The following SPINT2 variants were observed in gnomAD, a reference collection of about 807,000 sequenced individuals.
SPINT2 encodes the protein serine peptidase inhibitor, Kunitz type 2.
Under a neutral mutation model 30.1 loss-of-function variants are expected in SPINT2, and 18 were observed. The observed-to-expected ratio is 0.60, with a 90% CI of 0.41 to 0.89. The LOEUF (loss-of-function observed/expected upper bound fraction) is 0.89, where lower values mean the gene tolerates loss of function less well. Ranked by LOEUF, SPINT2 falls within the 40% of genes least tolerant of loss-of-function variation. The pLI, the probability that SPINT2 is intolerant of heterozygous loss-of-function variation, is 0.00. For missense variants in SPINT2, 276 were observed against 334.3 expected, an observed-to-expected ratio of 0.83 and a Z score of 1.36; for synonymous variants, 139 against 137.9, an observed-to-expected ratio of 1.01 and a Z score of -0.05.
chr19:38,266,881 T>C (rs960830540), intron 1 of SPINT2, among the ~76,000 whole-genome samples: 1 of 152,136 alleles, frequency 6.6e-6, no homozygotes, highest in Non-Finnish European at 1.5e-5. Context: ...TGCTGGACTT[T>C]TTCAGTTTAA....
chr19:38,277,408 C>T (rs530665709), intron 1 of SPINT2, among the ~76,000 whole-genome samples: 1 of 151,746 alleles, frequency 6.6e-6, no homozygotes. Context: ...CCACACCCGG[C>T]TCATTTTTTT....
At chr19:38,291,426 A>G (rs1382367252) in intron 6 of SPINT2, 2 of 173,914 alleles carry the variant, frequency 1.1e-5, no homozygotes, top group Non-Finnish European at 2.5e-5. Context: ...GTCTTTCTCT[A>G]TTGCCGGTCA....
intron 2 of SPINT2, among the ~76,000 whole-genome samples, chr19:38,287,405 G>A (rs1968655170): frequency 6.6e-6 from 1 of 151,214 alleles, no homozygotes; most frequent in African/African-American, 2.4e-5. Context: ...TCGCAGTGTC[G>A]GCCAGGATGG....
chr19:38,272,132 T>A (rs199730345), intron 1 of SPINT2, among the ~76,000 whole-genome samples: 2 of 151,938 alleles, frequency 1.3e-5, no homozygotes, highest in Admixed American at 6.6e-5. Flanking sequence ...GCCCAGGAAG[T>A]GGAGGTTGCA....
intron 1 of SPINT2, among the ~76,000 whole-genome samples, chr19:38,266,918 G>GTT (rs770011049): frequency 8.5e-5 from 13 of 152,232 alleles, no homozygotes; most frequent in Admixed American, 2.0e-4. Context: ...GTACCTCCCA[G>GTT]TTACCTGGCC....
At position 38,264,810 on chromosome 19, in the gene SPINT2, G is replaced by A. The variant is rs919293902; in HGVS notation, c.-83G>A. 4 of 1,404,818 alleles carry A rather than the reference G, an allele frequency of 2.8e-6. No individual in the cohort carries two copies. The highest frequency in any genetic ancestry group is 1.4e-5 in the African/African-American group (1 of 69,588). The allele number at this position is 1,404,818 out of a possible 1,614,324, so 87.0% of individuals were successfully genotyped here. ...CTGAACGCGAGGCGCTCCATTGCGC[G>A]TGCGCGTTGAGGGGCTTCCCGCACC... On this transcript the variant is annotated 5_prime_UTR_variant, in exon 1 of 7. The change creates a new upstream start codon in the 5' untranslated region. Coordinates refer to ENST00000301244, the MANE Select transcript of SPINT2 (RefSeq NM_021102.4).
intron 1 of SPINT2, among the ~76,000 whole-genome samples, chr19:38,276,515 G>A (rs1253855881): frequency 4.6e-5 from 7 of 151,946 alleles, no homozygotes; most frequent in African/African-American, 1.2e-4. Context: ...GGTGGCGGGC[G>A]CCTGTAGTCC....
chr19:38,278,581 C>T (rs960741404), intron 1 of SPINT2, among the ~76,000 whole-genome samples: 2 of 152,120 alleles, frequency 1.3e-5, no homozygotes, highest in African/African-American at 4.8e-5. Flanking sequence ...CTTTCAGAGG[C>T]GGAGGCAGCA....
chr19:38,269,442 GTCAC>G (rs1968422199), intron 1 of SPINT2, among the ~76,000 whole-genome samples: 1 of 116,552 alleles, frequency 8.6e-6, no homozygotes, highest in Non-Finnish European at 1.6e-5. Context: ...GTCTTGCTGT[GTCAC>G]TCAGACTGGA....
At position 38,283,628 on chromosome 19, in the gene SPINT2, C is replaced by G; in HGVS notation, c.108C>G (p.Asp36Glu). Residue 36 changes from aspartate (D) to glutamate (E), a missense_variant and splice_region_variant, in exon 2 of 7, where the codon GAC becomes GAG. Physicochemically the swap from Asp to Glu is conservative, Grantham distance 45. Coordinates refer to ENST00000301244, the MANE Select transcript of SPINT2 (RefSeq NM_021102.4). The part of the protein sequence containing the change: ...LAADRERSIH[D>E]FCLVSKVVGR... ...ACCGGGTTGTGCTTCGCGTTTCAGACTTCTGCCTGGTGTCGAAGGTGGTGG... is the reference window on the plus strand; with the variant it reads ...ACCGGGTTGTGCTTCGCGTTTCAGAGTTCTGCCTGGTGTCGAAGGTGGTGG... The G allele has an allele frequency of 6.2e-7, 1 of 1,614,076 alleles. No individual in the cohort carries two copies. Among genetic ancestry groups the G allele is most frequent in the Non-Finnish European group, 8.5e-7 (1 of 1,180,016 alleles).
At chr19:38,289,103 G>T (rs1376305280) in intron 3 of SPINT2, 35 bp from the exon 4 acceptor site, 2 of 1,610,208 alleles carry the variant, frequency 1.2e-6, no homozygotes, top group Non-Finnish European at 1.7e-6. Context: ...CCTGTGTCCG[G>T]CCCAGCCTCC....
intron 1 of SPINT2, among the ~76,000 whole-genome samples, chr19:38,270,539 G>T (rs2146266460): frequency 6.6e-6 from 1 of 152,278 alleles, no homozygotes; most frequent in African/African-American, 2.4e-5. Flanking sequence ...TGAGTGTCAG[G>T]GTTGGTGTGC....
intron 6 of SPINT2, chr19:38,291,024 G>C (rs982872604): frequency 2.6e-5 from 6 of 234,672 alleles, no homozygotes; most frequent in South Asian, 5.8e-5. Context: ...AGTTGCAGGT[G>C]ATAATGTTGG....
In SPINT2 at chr19:38,288,786, C is replaced by T. The variant is rs1332958787; in HGVS notation, c.338-352C>T. ...TGGCTCCCTGTTTATCCTCTGCTAGCCCCCCCACACACCAGCTCTGGTTTC... is the reference window on the plus strand; with the variant it reads ...TGGCTCCCTGTTTATCCTCTGCTAGTCCCCCCACACACCAGCTCTGGTTTC... On this transcript the variant is annotated intron_variant, in intron 3 of 6. Coordinates refer to ENST00000301244, the MANE Select transcript of SPINT2 (RefSeq NM_021102.4). The T allele has an allele frequency of 4.0e-5, 12 of 301,168 alleles. No individual in the cohort carries two copies. In the Admixed American group the frequency reaches 5.1e-4, roughly 13 times the overall value. The allele number at this position is 301,168 out of a possible 1,614,324, so 18.7% of individuals were successfully genotyped here. A position where few individuals can be genotyped will look rare whatever the true frequency, so the allele number is the denominator to read the frequency against.
At chr19:38,289,998 C>T in intron 4 of SPINT2, 121 bp from the exon 5 acceptor site, 15 of 1,130,142 alleles carry the variant, frequency 1.3e-5, no homozygotes, top group Middle Eastern at 2.8e-4. Context: ...TTACAGGCTT[C>T]TTTACCAGAG....
chr19:38,280,040 C>T (rs894911885), intron 1 of SPINT2, among the ~76,000 whole-genome samples: 1 of 152,208 alleles, frequency 6.6e-6, no homozygotes, highest in African/African-American at 2.4e-5. Flanking sequence ...GAAAATAAGG[C>T]TGCTTTCTGA....
intron 1 of SPINT2, among the ~76,000 whole-genome samples, chr19:38,278,582 G>A (rs993086494): frequency 3.3e-5 from 5 of 152,136 alleles, no homozygotes; most frequent in Admixed American, 6.6e-5. Context: ...TTTCAGAGGC[G>A]GAGGCAGCAG....
chr19:38,282,590 C>T (rs1003208858), intron 1 of SPINT2, among the ~76,000 whole-genome samples: 3 of 152,230 alleles, frequency 2.0e-5, no homozygotes, highest in South Asian at 2.1e-4. Context: ...AGAAGTGTTT[C>T]TGGCTGGAAT....
Position 38,287,867 on chromosome 19 carries a change from C to T in SPINT2, c.278-9C>T, listed in dbSNP as rs751563882. The T allele has an allele frequency of 1.2e-6, 2 of 1,614,000 alleles. No individual in the cohort carries two copies. The highest frequency in any genetic ancestry group is 3.3e-5 in the Admixed American group (2 of 60,004). ...TCTTTCACTGTGCTGTTTCTTTGTC[C>T]CCTTGCAGAGAATGCCACGGGTGAC... is the stretch of plus-strand genomic sequence containing the variant. On this transcript the variant is annotated splice_polypyrimidine_tract_variant and intron_variant, in intron 2 of 6. Coordinates refer to ENST00000301244, the MANE Select transcript of SPINT2 (RefSeq NM_021102.4).
Sources: allele counts gnomAD v4.1 joint callset (sites outside exome capture counted in the v4.1 genomes callset), GRCh38; gene constraint gnomAD v4.1.1; transcripts MANE v1.5; gene names NCBI Gene and HGNC (gene_info 2026-07-23, HGNC 2026-07-21).